BCCIP: variants seen among roughly 807,000 people sequenced by gnomAD.
The protein encoded by BCCIP is BRCA2 and CDKN1A interacting protein.
Under a neutral mutation model 32.8 loss-of-function variants are expected in BCCIP, and 23 were observed. That is an observed-to-expected ratio of 0.70 (90% CI 0.51 to 0.99). The LOEUF (loss-of-function observed/expected upper bound fraction) is 0.99. BCCIP is among the 50% of genes least tolerant of loss of function. BCCIP has a pLI of 0.00. For missense variants in BCCIP, 378 were observed against 379.8 expected (o/e 1.00, Z 0.04); for synonymous variants, 144 against 137.6 (o/e 1.05, Z -0.33).
downstream of BCCIP, among the ~76,000 whole-genome samples, chr10:125,846,418 T>C (rs985546372): frequency 1.3e-5 from 2 of 152,194 alleles, no homozygotes; most frequent in Non-Finnish European, 2.9e-5. Flanking sequence ...TAAAGGACTT[T>C]ATGTTTGGTG....
chr10:125,842,116 G>C, exon 7 of BCCIP: 1 of 785,066 alleles, frequency 1.3e-6, no homozygotes, highest in Non-Finnish European at 1.9e-6. Flanking sequence ...GCAAACTCAG[G>C]AGGGGAGCCC....
Position 125,836,226 on chromosome 10 carries a change from C to G in BCCIP, c.897C>G (p.Asp299Glu). 1 of 1,614,146 alleles carries G rather than the reference C, an allele frequency of 6.2e-7. No individual in the cohort carries two copies. The highest frequency in any genetic ancestry group is 8.5e-7 in the Non-Finnish European group (1 of 1,179,998). ...GAACTGTGATGTTAATTCCAGGCGA[C>G]AAGATGAACGAAATCATGGATAAAC... ...PLRTVMLIPG[D>E]KMNEIMDKLK... Residue 299 changes from aspartate (D) to glutamate (E), a missense_variant, in exon 7 of 7, where the codon GAC becomes GAG. By Grantham distance (45) the Asp-to-Glu change is conservative (BLOSUM62 2). Coordinates refer to ENST00000278100, the MANE Select transcript of BCCIP (RefSeq NM_078468.3).
intron 7 of BCCIP, among the ~76,000 whole-genome samples, chr10:125,849,093 G>A (rs1944059015): frequency 6.6e-6 from 1 of 152,150 alleles, no homozygotes; most frequent in African/African-American, 2.4e-5. Context: ...ATCATTAATA[G>A]CATTCATGCC....
intron 4 of BCCIP, among the ~76,000 whole-genome samples, chr10:125,830,938 C>T (rs1389369921): frequency 6.6e-6 from 1 of 152,164 alleles, no homozygotes; most frequent in African/African-American, 2.4e-5. Flanking sequence ...CAGCTGTTAT[C>T]TTTGCTACTT....
chr10:125,829,970 G>T (rs993062742), intron 3 of BCCIP, among the ~76,000 whole-genome samples: 1 of 151,094 alleles, frequency 6.6e-6, no homozygotes, highest in South Asian at 2.1e-4. Flanking sequence ...ATAGTGTTCG[G>T]TGGAGCCAGT....
chr10:125,833,719 A>G, intron 5 of BCCIP, 53 bp from the exon 6 acceptor site: 3 of 1,598,304 alleles, frequency 1.9e-6, no homozygotes, highest in Non-Finnish European at 2.6e-6. Context: ...TGGTTTGTTG[A>G]TGGATTTCAC....
downstream of BCCIP, among the ~76,000 whole-genome samples, chr10:125,846,612 A>T (rs1389167375): frequency 6.6e-6 from 1 of 152,224 alleles, no homozygotes; most frequent in Non-Finnish European, 1.5e-5. Flanking sequence ...ACGTAAATCA[A>T]GAATCCTGCT....
chr10:125,838,672 C>T (rs1320541719), downstream of BCCIP, among the ~76,000 whole-genome samples: 1 of 152,126 alleles, frequency 6.6e-6, no homozygotes, highest in African/African-American at 2.4e-5. Context: ...TAGCACGCTA[C>T]CCACCATACT....
At chr10:125,853,289 A>G (rs1944115742) in exon 8 of BCCIP, 1 of 1,153,670 alleles carries the variant, frequency 8.7e-7, no homozygotes, top group Non-Finnish European at 1.2e-6. Context: ...GGAGGGATAA[A>G]ACATCTCGGC....
rs1366964301 is a variant in BCCIP, at chr10:125,836,531, C to G, written c.*257C>G. The G allele has an allele frequency of 7.5e-7, 1 of 1,334,130 alleles. No homozygotes were observed. The highest frequency in any genetic ancestry group is 2.6e-5 in the East Asian group (1 of 38,342). The allele number at this position is 1,334,130 out of a possible 1,614,324, so 82.6% of individuals were successfully genotyped here. A position where few individuals can be genotyped will look rare whatever the true frequency, so the allele number is the denominator to read the frequency against. ...AATTTAAAGAACTCAATAAAAACTTCTATTTTTTATTTTAAAATAATATAC... is the reference window on the plus strand; with the variant it reads ...AATTTAAAGAACTCAATAAAAACTTGTATTTTTTATTTTAAAATAATATAC... On this transcript the variant is annotated 3_prime_UTR_variant, in exon 7 of 7. Transcript: ENST00000278100.
intron 2 of BCCIP, among the ~76,000 whole-genome samples, chr10:125,827,342 A>G (rs1708508709): frequency 6.6e-6 from 1 of 151,072 alleles, no homozygotes; most frequent in Admixed American, 6.6e-5. Context: ...CCCCTCCCCC[A>G]TTACTTCTAT....
exon 7 of BCCIP, chr10:125,841,691 T>C: frequency 1.3e-6 from 2 of 1,583,276 alleles, no homozygotes; most frequent in Middle Eastern, 1.7e-4. Flanking sequence ...GATCTAAATC[T>C]ATACCTAGTG....
At chr10:125,853,296 C>T (rs555755243) in exon 8 of BCCIP, 44 of 1,039,230 alleles carry the variant, frequency 4.2e-5, no homozygotes, top group African/African-American at 3.3e-4. Flanking sequence ...TAAAACATCT[C>T]GGCACCTAGT....
At position 125,830,630 on chromosome 10, in the gene BCCIP, T is replaced by A; in HGVS notation, c.390T>A (p.Leu130=). The change falls in exon 4 of 7, where the codon CTT becomes CTA. Residue 130 remains leucine, a synonymous_variant. Coordinates refer to ENST00000278100, the MANE Select transcript of BCCIP (RefSeq NM_078468.3). ...DEDEVFGFIS[L]LNLTERKGTQ... ...ATGAGGTTTTTGGTTTCATAAGCCT[T>A]TTAAATTTAACTGAAAGAAAGGTTG... 1 of 1,606,128 alleles carries A rather than the reference T, an allele frequency of 6.2e-7. No homozygotes were observed. Among genetic ancestry groups the A allele is most frequent in the Non-Finnish European group, 8.5e-7 (1 of 1,174,674 alleles).
At chr10:125,844,009 A>C (rs999531634), downstream of BCCIP, among the ~76,000 whole-genome samples, 2 of 152,200 alleles carry the variant, frequency 1.3e-5, no homozygotes, top group Admixed American at 6.5e-5. Context: ...GGCTTCTCAG[A>C]GATATTCCTG....
intron 3 of BCCIP, among the ~76,000 whole-genome samples, chr10:125,827,870 C>G (rs189105901): frequency 6.8e-6 from 1 of 146,416 alleles, no homozygotes. Context: ...ACCCAGGTGG[C>G]TGAGGTAGGA....
chr10:125,841,009 A>G (rs1854862484), downstream of BCCIP: 1 of 1,592,568 alleles, frequency 6.3e-7, no homozygotes, highest in South Asian at 1.1e-5. Context: ...TCAAAATGAA[A>G]AAGGTCACAT....
chr10:125,839,028 T>G, downstream of BCCIP: 1 of 1,614,046 alleles, frequency 6.2e-7, no homozygotes, highest in Non-Finnish European at 8.5e-7. Flanking sequence ...ACAGAAGAGC[T>G]TTCTTTATGT....
intron 2 of BCCIP, 63 bp from the exon 3 acceptor site, chr10:125,827,495 G>T: frequency 8.8e-7 from 1 of 1,138,354 alleles, no homozygotes; most frequent in Non-Finnish European, 1.3e-6. Context: ...TTGAATATAG[G>T]ATTTGAAGTT....
Sources: gnomAD v4.1 joint callset for allele counts (sites outside exome capture counted in the v4.1 genomes callset) on GRCh38, gnomAD v4.1.1 for gene constraint, MANE v1.5 for transcripts, NCBI Gene and HGNC (gene_info 2026-07-23, HGNC 2026-07-21) for gene names.